The following ACRBP variants were observed in gnomAD, a reference collection of about 807,000 sequenced individuals.
ACRBP encodes acrosin-binding protein.
In ACRBP, 52 loss-of-function variants were observed where a neutral mutation model predicts 69.0. The observed-to-expected ratio is 0.75, with a 90% CI of 0.60 to 0.95. The LOEUF is 0.95. Ranked by LOEUF, ACRBP falls within the 40% of genes least tolerant of loss-of-function variation. The probability of loss-of-function intolerance (pLI) is 0.00; values close to 1 mark genes in which losing one functional copy is unlikely to be tolerated. For missense variants in ACRBP, 604 were observed against 673.0 expected (o/e 0.90, Z 1.13); for synonymous variants, 267 against 258.9 (o/e 1.03, Z -0.30).
At position 6,638,936 on chromosome 12, in the gene ACRBP, C is replaced by T; in HGVS notation, c.1509+18G>A. On this transcript the variant is annotated intron_variant, in intron 9 of 9. Transcript: ENST00000229243. ...GAGGGGGTGCTGGGAGAAGGAGGGG[C>T]AGGGCAGGGGTGCTCACCTTCCGAT... is the stretch of plus-strand genomic sequence containing the variant. The T allele has an allele frequency of 6.2e-7, 1 of 1,612,234 alleles. No individual in the cohort carries two copies. Among genetic ancestry groups the T allele is most frequent in the Non-Finnish European group, 8.5e-7 (1 of 1,178,692 alleles).
intron 8 of ACRBP, among the ~76,000 whole-genome samples, chr12:6,639,686 G>A (rs1050324044): frequency 3.9e-5 from 6 of 152,248 alleles, no homozygotes; most frequent in South Asian, 2.1e-4. Flanking sequence ...GGCTAAGGCC[G>A]GGAAGTCCTG....
At chr12:6,645,186 G>C in intron 4 of ACRBP, 34 bp downstream of exon 4, 1 of 1,507,430 alleles carries the variant, frequency 6.6e-7, no homozygotes, top group Non-Finnish European at 9.2e-7. Context: ...TGTGGGAGTA[G>C]CTGGTGGTCT....
chr12:6,643,522 C>G lies in ACRBP; in HGVS notation c.1077+17G>C. On this transcript the variant is annotated intron_variant, in intron 6 of 9. Transcript: ENST00000229243. ...TGCCCAGTGGCATGTATCCATTAGACAGTATGGCTGGCATACCGACTTCCC... is the reference window on the plus strand; with the variant it reads ...TGCCCAGTGGCATGTATCCATTAGAGAGTATGGCTGGCATACCGACTTCCC... The G allele has an allele frequency of 6.2e-7, 1 of 1,613,910 alleles. No homozygotes were observed.
In ACRBP at chr12:6,644,338, A is replaced by G. The variant is rs146183012; in HGVS notation, c.743T>C (p.Leu248Pro). ...AAACTTGGGCTCTGAGTCTGTCTGC[A>G]GCTGAGACACAGCCTCCCGTCCCTC... The part of the protein sequence containing the change: ...TKEGREAVSQ[L>P]QTDSEPKFHS... Residue 248 changes from leucine to proline, a missense_variant, in exon 5 of 10, where the codon CTG becomes CCG. By Grantham distance (98) the Leu-to-Pro change is moderately conservative (BLOSUM62 -3). Transcript: ENST00000229243. The G allele has an allele frequency of 6.2e-7, 1 of 1,613,990 alleles. No individual in the cohort carries two copies. Among genetic ancestry groups the G allele is most frequent in the African/African-American group, 1.3e-5 (1 of 74,892 alleles).
Position 6,643,538 on chromosome 12 carries a change from C to T in ACRBP, c.1077+1G>A, listed in dbSNP as rs1949067625. The T allele has an allele frequency of 6.2e-7, 1 of 1,613,924 alleles. No homozygotes were observed. The highest frequency in any genetic ancestry group is 8.5e-7 in the Non-Finnish European group (1 of 1,179,940). ...TCCATTAGACAGTATGGCTGGCATA[C>T]CGACTTCCCGAAACCAAGGATCTCC... On this transcript the variant is annotated splice_donor_variant, in intron 6 of 9. Transcript: ENST00000229243. LOFTEE classifies it high-confidence loss of function.
chr12:6,638,593 T>C, intron 9 of ACRBP, 189 bp from the exon 10 acceptor site: 1 of 1,228,720 alleles, frequency 8.1e-7, no homozygotes, highest in East Asian at 2.6e-5. Context: ...CCAACCCCTT[T>C]CATGCAGAAA....
chr12:6,642,809 C>A (rs368899234), intron 6 of ACRBP, among the ~76,000 whole-genome samples: 1 of 152,060 alleles, frequency 6.6e-6, no homozygotes, highest in African/African-American at 2.4e-5. Context: ...GTATATTTTC[C>A]TGGGAGTAGA....
intron 5 of ACRBP, chr12:6,643,919 C>G (rs562110688): frequency 9.3e-6 from 10 of 1,070,230 alleles, no homozygotes; most frequent in Non-Finnish European, 1.3e-5. Flanking sequence ...GAACCCAAGT[C>G]TGGTAGCTCC....
At chr12:6,642,099 CTT>C (rs1160264029) in intron 6 of ACRBP, among the ~76,000 whole-genome samples, 5 of 152,194 alleles carry the variant, frequency 3.3e-5, no homozygotes, top group Non-Finnish European at 7.3e-5. Context: ...GCTCTCTGTA[CTT>C]TGTGCCTATC....
At chr12:6,638,690 C>T (rs1949029209) in intron 9 of ACRBP, 9 of 1,424,410 alleles carry the variant, frequency 6.3e-6, no homozygotes, top group African/African-American at 4.3e-5. Context: ...CCTCAACGTC[C>T]AAGTCCTGGC....
intron 9 of ACRBP, 57 bp from the exon 10 acceptor site, chr12:6,638,461 G>A: frequency 6.2e-7 from 1 of 1,609,156 alleles, no homozygotes; most frequent in South Asian, 1.1e-5. Context: ...CCAGGAGTGG[G>A]GAGGAGGGGA....
chr12:6,644,687 CAT>C, intron 4 of ACRBP, 82 bp from the exon 5 acceptor site: 1 of 1,513,656 alleles, frequency 6.6e-7, no homozygotes, highest in Non-Finnish European at 8.8e-7. Context: ...GGGACACACA[CAT>C]AAACAAAGCA....
chr12:6,638,431 C>T, intron 9 of ACRBP, 27 bp from the exon 10 acceptor site: 1 of 1,613,538 alleles, frequency 6.2e-7, no homozygotes, highest in East Asian at 2.2e-5. Flanking sequence ...TGCAGACGGT[C>T]TGTATCACAG....
chr12:6,643,000 C>T (rs1239046040), intron 6 of ACRBP, among the ~76,000 whole-genome samples: 2 of 152,090 alleles, frequency 1.3e-5, no homozygotes, highest in Non-Finnish European at 2.9e-5. Flanking sequence ...GCCTGTAATC[C>T]CAGCATTTTG....
In ACRBP at chr12:6,644,846, C is replaced by T. The variant is rs147922368; in HGVS notation, c.476-241G>A. On this transcript the variant is annotated intron_variant, in intron 4 of 9. Coordinates refer to ENST00000229243, the MANE Select transcript of ACRBP (RefSeq NM_032489.3). The stretch of plus-strand genomic sequence containing the variant: ...AGCACTCCTCCTTCCCTAACTTCCA[C>T]CTCAAATACCACCATTTGTCCCTCT... 4.3e-3 allele frequency among the ~76,000 whole-genome samples: 661 copies of T among 152,324 alleles called. 4 individuals are homozygous for T. Among genetic ancestry groups the T allele is most frequent in the Non-Finnish European group, 7.3e-3 (498 of 68,032 alleles).
chr12:6,646,206 A>G (rs1949087645), intron 3 of ACRBP, among the ~76,000 whole-genome samples: 2 of 147,714 alleles, frequency 1.4e-5, no homozygotes, highest in Non-Finnish European at 3.0e-5. Flanking sequence ...TCCTGACTTC[A>G]GGTGATCTGC....
chr12:6,646,961 G>A lies in ACRBP; in HGVS notation c.95C>T (p.Ser32Phe). The A allele has an allele frequency of 6.2e-7, 1 of 1,613,286 alleles. No individual in the cohort carries two copies. The highest frequency in any genetic ancestry group is 8.5e-7 in the Non-Finnish European group (1 of 1,180,036). The change falls in exon 2 of 10, where the codon TCC becomes TTC. Residue 32 changes from serine (S) to phenylalanine (F), a missense_variant. Physicochemically the swap from Ser to Phe is radical, Grantham distance 155. Coordinates refer to ENST00000229243, the MANE Select transcript of ACRBP (RefSeq NM_032489.3). ...PAAAQDSTQA[S>F]TPGSPLSPTE... ...AGGAGAGAGAGGGCTGCCTGGAGTG[G>A]AGGCCTGAGTCGAATCCTGGGCTGC... is the stretch of plus-strand genomic sequence containing the variant.
chr12:6,645,666 GT>G (rs3054294), intron 3 of ACRBP, among the ~76,000 whole-genome samples: 2 of 142,756 alleles, frequency 1.4e-5, no homozygotes, highest in East Asian at 2.1e-4. Context: ...TGTTTTTTTT[GT>G]TTTTTTTTTT....
In ACRBP at chr12:6,638,195, G is replaced by GC; in HGVS notation, c.*86_*87insG. The GC allele has an allele frequency of 6.4e-7, 1 of 1,567,302 alleles. No homozygotes were observed. The highest frequency in any genetic ancestry group is 8.7e-7 in the Non-Finnish European group (1 of 1,152,072). On this transcript the variant is annotated 3_prime_UTR_variant, in exon 10 of 10. Coordinates refer to ENST00000229243, the MANE Select transcript of ACRBP (RefSeq NM_032489.3). ...GAGTAGGGGCCGAGTAACAGACCCA[G>GC]AAGGGGCAGCCTGAAAGCAATGGGG...
Sources: gnomAD v4.1 joint callset for allele counts (sites outside exome capture counted in the v4.1 genomes callset) on GRCh38, gnomAD v4.1.1 for gene constraint, MANE v1.5 for transcripts, NCBI Gene and HGNC (gene_info 2026-07-23, HGNC 2026-07-21) for gene names.